Variants in ABI3BP observed in about 807,000 individuals in gnomAD.
ABI3BP encodes target of Nesh-SH3.
In ABI3BP, 216 loss-of-function variants were observed where a neutral mutation model predicts 268.6. That is an observed-to-expected ratio of 0.80 (90% CI 0.72 to 0.90). The LOEUF is 0.90. Ranked by LOEUF, ABI3BP falls within the 40% of genes least tolerant of loss-of-function variation. The pLI, the probability that ABI3BP is intolerant of heterozygous loss-of-function variation, is 0.00. For synonymous variants in ABI3BP, 730 were observed against 730.0 expected (o/e 1.00, Z 0.00); for missense variants, 2,090 against 2,182.4 (o/e 0.96, Z 0.84).
At chr3:100,951,195 G>C (rs188256093) in intron 1 of ABI3BP, among the ~76,000 whole-genome samples, 1 of 151,810 alleles carries the variant, frequency 6.6e-6, no homozygotes, top group East Asian at 1.9e-4. Context: ...CTCTAGCATT[G>C]CAGACCTCTG....
rs370738785 is a variant in ABI3BP, at chr3:100,770,893, C to T, written c.4591G>A (p.Val1531Ile). 1.5e-4 allele frequency: 245 copies of T among 1,602,292 alleles called. 3 individuals are homozygous for T. Among genetic ancestry groups the T allele is most frequent in the South Asian group, 8.4e-4 (74 of 88,058 alleles). ...DNSPCSITDS[V>I]KRFPKEEATE... ...GCCTCCTCTTTGGGGAACCGTTTGA[C>T]AGAGTCAGTAATGGAGCAGGGACTG... is the stretch of plus-strand genomic sequence containing the variant. The change falls in exon 62 of 68, where the codon GTC (valine) becomes ATC (isoleucine). Residue 1531 changes from valine (V) to isoleucine (I), a missense_variant. Coordinates refer to ENST00000471714, the MANE Select transcript of ABI3BP (RefSeq NM_001375547.2).
intron 61 of ABI3BP, 23 bp downstream of exon 61, chr3:100,774,582 G>C (rs1219132516): frequency 5.8e-6 from 9 of 1,542,068 alleles, no homozygotes; most frequent in Middle Eastern, 1.7e-4. Flanking sequence ...TCAAATGTGA[G>C]ATTCACAGCC....
chr3:100,932,771 T>C (rs2064131889), intron 1 of ABI3BP, among the ~76,000 whole-genome samples: 1 of 152,140 alleles, frequency 6.6e-6, no homozygotes, highest in South Asian at 2.1e-4. Flanking sequence ...AGTTCAGCCA[T>C]TGTGGAAGGC....
At chr3:100,810,560 A>G (rs1469536358) in intron 48 of ABI3BP, 83 bp from the exon 49 acceptor site, 2 of 978,352 alleles carry the variant, frequency 2.0e-6, no homozygotes, top group Admixed American at 5.1e-5. Context: ...ATGGTAACAA[A>G]TAGATTTTTT....
chr3:100,825,800 G>A lies in ABI3BP; in HGVS notation c.2647C>T (p.Pro883Ser). The A allele has an allele frequency of 6.5e-7, 1 of 1,535,712 alleles. No individual in the cohort carries two copies. The highest frequency in any genetic ancestry group is 8.7e-7 in the Non-Finnish European group (1 of 1,146,572). The change falls in exon 35 of 68, where the codon CCT becomes TCT. Residue 883 changes from proline to serine, a missense_variant. By Grantham distance (74) the Pro-to-Ser change is moderately conservative. Coordinates refer to ENST00000471714, the MANE Select transcript of ABI3BP (RefSeq NM_001375547.2). The stretch of plus-strand genomic sequence containing the variant: ...GGGTCGTTACCTAAGGTTGTTGCAG[G>A]GATCTCAGTTCTAAAAGTAACAGGC... ...LEPVTFRTEI[P>S]ATTLATKTSK...
intron 6 of ABI3BP, among the ~76,000 whole-genome samples, chr3:100,878,004 C>T (rs886778670): frequency 5.3e-5 from 8 of 152,082 alleles, no homozygotes; most frequent in Admixed American, 2.6e-4. Context: ...AAAATCACAA[C>T]GAATAAAAGT....
intron 62 of ABI3BP, among the ~76,000 whole-genome samples, chr3:100,767,016 T>G (rs2096302307): frequency 6.6e-6 from 1 of 151,928 alleles, no homozygotes; most frequent in African/African-American, 2.4e-5. Flanking sequence ...GGGGGAGGAT[T>G]TTTTTTTGTT....
At chr3:100,840,682 T>G in intron 22 of ABI3BP, 138 bp downstream of exon 22, 1 of 696,546 alleles carries the variant, frequency 1.4e-6, no homozygotes, top group Non-Finnish European at 2.2e-6. Flanking sequence ...AATTAACTTT[T>G]TTTTCTGAAG....
chr3:100,972,246 C>A (rs2083959384), intron 1 of ABI3BP, among the ~76,000 whole-genome samples: 1 of 151,992 alleles, frequency 6.6e-6, no homozygotes. Flanking sequence ...AATTAAAAAG[C>A]AAAATCAAAT....
At chr3:100,848,909 A>G (rs1195630952) in intron 17 of ABI3BP, 34 bp from the exon 18 acceptor site, 2 of 1,586,774 alleles carry the variant, frequency 1.3e-6, no homozygotes, top group East Asian at 2.2e-5. Flanking sequence ...TTGATAAATG[A>G]TATTTTTCAG....
chr3:100,802,499 G>A (rs2097561033), intron 51 of ABI3BP, among the ~76,000 whole-genome samples: 1 of 152,182 alleles, frequency 6.6e-6, no homozygotes, highest in African/African-American at 2.4e-5. Context: ...TCATTTTGGT[G>A]TGGACATGGA....
At chr3:100,885,403 A>G in intron 6 of ABI3BP, 133 bp downstream of exon 6, 1 of 470,764 alleles carries the variant, frequency 2.1e-6, no homozygotes, top group Non-Finnish European at 3.7e-6. Context: ...ACTAATTCCT[A>G]AAACTAAGTA....
chr3:100,826,212 C>T (rs2098381549), intron 34 of ABI3BP, among the ~76,000 whole-genome samples: 1 of 152,176 alleles, frequency 6.6e-6, no homozygotes, highest in South Asian at 2.1e-4. Context: ...GGAGAGAGGC[C>T]TCAAGAGAAA....
chr3:100,771,477 A>G (rs2096543544), intron 61 of ABI3BP, among the ~76,000 whole-genome samples: 1 of 152,208 alleles, frequency 6.6e-6, no homozygotes, highest in Admixed American at 6.5e-5. Context: ...ATCATTTGAA[A>G]CCAATGTAGA....
chr3:100,878,592 G>A (rs2099188413), intron 6 of ABI3BP, among the ~76,000 whole-genome samples: 1 of 152,178 alleles, frequency 6.6e-6, no homozygotes, highest in Non-Finnish European at 1.5e-5. Context: ...CTTTCAGTGG[G>A]GGATAAAAAA....
At chr3:100,848,351 T>G (rs2098798390) in intron 18 of ABI3BP, among the ~76,000 whole-genome samples, 1 of 152,230 alleles carries the variant, frequency 6.6e-6, no homozygotes, top group Admixed American at 6.5e-5. Flanking sequence ...AAAATTCACA[T>G]GCAAAAATAT....
rs1357735348 is a variant in ABI3BP, at chr3:100,802,788, T to TAATTTCCACAATTGAAAATAAGCTGATC, written c.3757+2003_3757+2004insGATCAGCTTATTTTCAATTGTGGAAATT. ...CTGACCTCAGCACTACCTTTTACAT[T>TAATTTCCACAATTGAAAATAAGCTGATC]TTTAGACTTTTACAGAAGAGTTTAT... On this transcript the variant is annotated intron_variant, in intron 51 of 67. Coordinates refer to ENST00000471714, the MANE Select transcript of ABI3BP (RefSeq NM_001375547.2). 8.8e-4 allele frequency among the ~76,000 whole-genome samples: 100 copies of TAATTTCCACAATTGAAAATAAGCTGATC among 114,134 alleles called. 4 individuals carry two copies. Among genetic ancestry groups the TAATTTCCACAATTGAAAATAAGCTGATC allele is most frequent in the South Asian group, 2.3e-3 (6 of 2,636 alleles). 74.9% of individuals were successfully genotyped at this position (114,134 alleles called of 152,430 possible).
At chr3:100,949,194 A>G (rs2073870429) in intron 1 of ABI3BP, among the ~76,000 whole-genome samples, 1 of 152,180 alleles carries the variant, frequency 6.6e-6, no homozygotes, top group Admixed American at 6.6e-5. Context: ...AACTGACCCT[A>G]TATCATCTCA....
In ABI3BP at chr3:100,844,344, G is replaced by A. The variant is rs574248144; in HGVS notation, c.1723+2028C>T. On this transcript the variant is annotated intron_variant, in intron 20 of 67. Transcript: ENST00000471714. ...AAGGAAACAATTCCCACTGGACGAGGTAGACAAGTTAAGACATGGTAGGTG... is the reference window on the plus strand; with the variant it reads ...AAGGAAACAATTCCCACTGGACGAGATAGACAAGTTAAGACATGGTAGGTG... 4.1e-6 allele frequency: 4 copies of A among 985,444 alleles called. No homozygotes were observed. The Admixed American group carries it at 2.5e-4, about 61-fold the overall frequency. The allele number at this position is 985,444 out of a possible 1,614,324, so 61.0% of individuals were successfully genotyped here. A position where few individuals can be genotyped will look rare whatever the true frequency, so the allele number is the denominator to read the frequency against.
Sources: gnomAD v4.1 joint callset for allele counts (sites outside exome capture counted in the v4.1 genomes callset) on GRCh38, gnomAD v4.1.1 for gene constraint, MANE v1.5 for transcripts, NCBI Gene and HGNC (gene_info 2026-07-23, HGNC 2026-07-21) for gene names.